Variants in RBFOX1 observed in about 807,000 individuals in gnomAD.
The protein encoded by RBFOX1 is RNA binding fox-1 homolog 1.
A neutral mutation model predicts 57.7 loss-of-function variants in RBFOX1; 8 were observed. The observed-to-expected ratio is 0.14, with a 90% confidence interval of 0.08 to 0.25. The LOEUF (loss-of-function observed/expected upper bound fraction) is 0.25. Ranked by LOEUF, RBFOX1 falls within the 10% of genes least tolerant of loss-of-function variation. The pLI is 1.00. For synonymous variants in RBFOX1, 326 were observed against 222.4 expected (o/e 1.47, Z -4.15); for missense variants, 611 against 548.5 (o/e 1.11, Z -1.14).
intron 10 of RBFOX1, among the ~76,000 whole-genome samples, chr16:7,625,820 G>C (rs2059991048): frequency 1.3e-5 from 2 of 152,068 alleles, no homozygotes; most frequent in Admixed American, 1.3e-4. Flanking sequence ...TTTATTTCTT[G>C]GAAGTGTAGC....
chr16:5,651,330 G>A (rs2049233716), intron 3 of RBFOX1, among the ~76,000 whole-genome samples: 1 of 152,096 alleles, frequency 6.6e-6, no homozygotes, highest in Non-Finnish European at 1.5e-5. Flanking sequence ...TGGGATCACA[G>A]GAGTGAACCA....
chr16:7,564,137 G>C (rs575751051), intron 5 of RBFOX1, among the ~76,000 whole-genome samples: 5 of 152,226 alleles, frequency 3.3e-5, no homozygotes, highest in African/African-American at 4.8e-5. Flanking sequence ...GACTTTGGAA[G>C]GTAATTAGGT....
intron 3 of RBFOX1, among the ~76,000 whole-genome samples, chr16:5,723,561 G>T (rs1045289725): frequency 6.6e-6 from 1 of 151,994 alleles, no homozygotes; most frequent in Admixed American, 6.5e-5. Context: ...CTAAGGTTGA[G>T]TAGTCAGCCC....
intron 11 of RBFOX1, among the ~76,000 whole-genome samples, chr16:7,630,994 T>C (rs913547262): frequency 1.3e-5 from 2 of 152,192 alleles, no homozygotes; most frequent in African/African-American, 2.4e-5. Flanking sequence ...TGCAAATTAA[T>C]ATAAAAATAA....
At chr16:6,845,981 G>A (rs1332683482) in intron 3 of RBFOX1, among the ~76,000 whole-genome samples, 1 of 152,170 alleles carries the variant, frequency 6.6e-6, no homozygotes, top group African/African-American at 2.4e-5. Flanking sequence ...ATAAAATAAT[G>A]CATCAATGCA....
At chr16:5,822,969 C>T (rs1550138) in intron 3 of RBFOX1, among the ~76,000 whole-genome samples, 21,718 of 152,188 alleles carry the variant, frequency 0.14, 2,072 homozygotes, top group East Asian at 0.46. Context: ...CTGGTTGCTT[C>T]AGAGGTCTTA....
rs11865518 is a variant in RBFOX1 at position 7,050,556 on chromosome 16, G to A, written c.-15-1501G>A. 8.4e-3 allele frequency among the ~76,000 whole-genome samples: 1,274 copies of A among 152,166 alleles called. 13 individuals are homozygous for A. The highest frequency in any genetic ancestry group is 0.029 in the African/African-American group (1,195 of 41,514). ...GCTGGGATTACAGGCATGAGCAACC[G>A]TGCCTGGCCTTCCTTCATTTTCTTT... On this transcript the variant is annotated intron_variant, in intron 3 of 15. Transcript: ENST00000550418.
intron 4 of RBFOX1, among the ~76,000 whole-genome samples, chr16:7,441,115 C>T (rs577148237): frequency 6.6e-6 from 1 of 152,274 alleles, no homozygotes; most frequent in East Asian, 1.9e-4. Flanking sequence ...AACAAGTGAC[C>T]TGCCTTCCTC....
chr16:6,889,513 G>C (rs945623337), intron 3 of RBFOX1, among the ~76,000 whole-genome samples: 1 of 152,136 alleles, frequency 6.6e-6, no homozygotes, highest in Non-Finnish European at 1.5e-5. Flanking sequence ...CTGTGTGTTG[G>C]GTTCTTCGTG....
chr16:6,799,916 G>T (rs915593273), intron 3 of RBFOX1, among the ~76,000 whole-genome samples: 2 of 152,158 alleles, frequency 1.3e-5, no homozygotes, highest in South Asian at 4.1e-4. Context: ...TCAGTTTGCA[G>T]ATGGCTTATA....
intron 1 of RBFOX1, among the ~76,000 whole-genome samples, chr16:6,262,056 A>T (rs943466927): frequency 2.6e-5 from 4 of 152,014 alleles, no homozygotes; most frequent in Middle Eastern, 3.4e-3. Flanking sequence ...AGAAAGAAAG[A>T]TGGATATTTT....
At chr16:6,263,889 C>G (rs1598950666) in intron 1 of RBFOX1, among the ~76,000 whole-genome samples, 1 of 152,216 alleles carries the variant, frequency 6.6e-6, no homozygotes, top group African/African-American at 2.4e-5. Context: ...CAGTGGCCAC[C>G]ACCAGCAACA....
At chr16:7,223,798 A>T (rs897727621) in intron 4 of RBFOX1, among the ~76,000 whole-genome samples, 1 of 145,444 alleles carries the variant, frequency 6.9e-6, no homozygotes, top group Non-Finnish European at 1.5e-5. Context: ...TCTGATAGAA[A>T]TGGGAGCACT....
At chr16:7,443,456 CTCTTA>C (rs2098785122) in intron 4 of RBFOX1, among the ~76,000 whole-genome samples, 1 of 151,332 alleles carries the variant, frequency 6.6e-6, no homozygotes, top group African/African-American at 2.4e-5. Flanking sequence ...CCCTCCCCCT[CTCTTA>C]TAAGATTTCA....
At chr16:7,360,294 C>T (rs1371396933) in intron 4 of RBFOX1, among the ~76,000 whole-genome samples, 1 of 152,122 alleles carries the variant, frequency 6.6e-6, no homozygotes, top group Non-Finnish European at 1.5e-5. Flanking sequence ...CAAAATGTGT[C>T]ACATGTTAGC....
intron 4 of RBFOX1, among the ~76,000 whole-genome samples, chr16:7,173,336 A>T (rs567334419): frequency 3.3e-5 from 5 of 152,304 alleles, no homozygotes; most frequent in South Asian, 2.1e-4. Context: ...CAGTGCCACC[A>T]TCCACAACAG....
intron 1 of RBFOX1, among the ~76,000 whole-genome samples, chr16:5,383,569 CTGTT>C (rs1319541972): frequency 1.3e-5 from 2 of 152,222 alleles, no homozygotes; most frequent in African/African-American, 2.4e-5. Context: ...CTCAGTTTCT[CTGTT>C]TGTGAAATGG....
chr16:5,620,397 G>T (rs892908980), intron 3 of RBFOX1, among the ~76,000 whole-genome samples: 4 of 152,140 alleles, frequency 2.6e-5, no homozygotes, highest in African/African-American at 9.7e-5. Context: ...AGTACTTTCT[G>T]TTCTCAGTGC....
At chr16:5,956,659 TATATATATATATATA>T (rs1301865609) in intron 4 of RBFOX1, among the ~76,000 whole-genome samples, 6,387 of 71,542 alleles carry the variant, frequency 0.089, 533 homozygotes, top group African/African-American at 0.21. Flanking sequence ...TATATATATT[TATATATATATATATA>T]TATATTTTTT....
Sources: allele counts gnomAD v4.1 joint callset (sites outside exome capture counted in the v4.1 genomes callset), GRCh38; gene constraint gnomAD v4.1.1; transcripts MANE v1.5; gene names NCBI Gene and HGNC (gene_info 2026-07-23, HGNC 2026-07-21).